The following SPOCK3 variants were observed in gnomAD, a reference collection of about 807,000 sequenced individuals.
The protein encoded by SPOCK3 is SPARC (osteonectin), cwcv and kazal like domains proteoglycan 3.
A neutral mutation model predicts 56.6 loss-of-function variants in SPOCK3; 30 were observed. That is an observed-to-expected ratio of 0.53 (90% CI 0.40 to 0.72). SPOCK3 has a LOEUF of 0.72. SPOCK3 is among the 30% of genes least tolerant of loss of function. SPOCK3 has a pLI of 0.00. For missense variants in SPOCK3, 527 were observed against 530.0 expected (o/e 0.99, Z 0.06); for synonymous variants, 196 against 183.3 (o/e 1.07, Z -0.56).
chr4:167,052,583 T>C (rs1447448194), intron 3 of SPOCK3, among the ~76,000 whole-genome samples: 1 of 152,178 alleles, frequency 6.6e-6, no homozygotes, highest in Admixed American at 6.5e-5. Flanking sequence ...GTAATCATCC[T>C]TGCATGTTCC....
intron 6 of SPOCK3, among the ~76,000 whole-genome samples, chr4:166,869,944 A>G (rs894877712): frequency 6.6e-6 from 1 of 152,080 alleles, no homozygotes; most frequent in Non-Finnish European, 1.5e-5. Flanking sequence ...CTTGAAACTG[A>G]GAAGCTCCTG....
chr4:167,152,416 C>A (rs1412592328), intron 2 of SPOCK3, among the ~76,000 whole-genome samples: 1 of 152,110 alleles, frequency 6.6e-6, no homozygotes, highest in East Asian at 1.9e-4. Flanking sequence ...ACATATATAA[C>A]AACGAACCAT....
intron 6 of SPOCK3, among the ~76,000 whole-genome samples, chr4:166,795,932 A>G (rs1424455473): frequency 3.3e-5 from 5 of 152,298 alleles, no homozygotes; most frequent in African/African-American, 1.2e-4. Context: ...TGGTATTAGA[A>G]GATAGGGACT....
At chr4:166,946,661 G>A (rs1334218046) in intron 4 of SPOCK3, among the ~76,000 whole-genome samples, 2 of 152,040 alleles carry the variant, frequency 1.3e-5, no homozygotes, top group Admixed American at 6.6e-5. Flanking sequence ...TTGGCATGTC[G>A]GATCCCTCTT....
chr4:167,216,135 C>T (rs1032569998), intron 2 of SPOCK3, among the ~76,000 whole-genome samples: 4 of 152,038 alleles, frequency 2.6e-5, no homozygotes, highest in Admixed American at 6.6e-5. Flanking sequence ...GTATATGTTA[C>T]AATATTTGAA....
rs557472542 is a variant in SPOCK3 at position 166,830,386 on chromosome 4, A to G, written c.590-38097T>C. On this transcript the variant is annotated intron_variant, in intron 6 of 10. Coordinates refer to ENST00000357545, the MANE Select transcript of SPOCK3 (RefSeq NM_001040159.2). ...TTAAACATATTTCATAACTTATTTT[A>G]ACAATTCTGAATCTCACTGTATCAT... 2.6e-5 allele frequency among the ~76,000 whole-genome samples: 4 copies of G among 152,272 alleles called. No homozygotes were observed. The South Asian group carries it at 8.3e-4, about 32-fold the overall frequency.
chr4:166,954,900 C>T (rs148112395), intron 4 of SPOCK3, among the ~76,000 whole-genome samples: 152 of 152,242 alleles, frequency 1.0e-3, no homozygotes, highest in African/African-American at 3.3e-3. Context: ...ATGTCAATTA[C>T]GTCATTCAAC....
chr4:167,031,051 T>C (rs1309768132), intron 3 of SPOCK3, among the ~76,000 whole-genome samples: 1 of 152,114 alleles, frequency 6.6e-6, no homozygotes, highest in Non-Finnish European at 1.5e-5. Context: ...TTACATTTAA[T>C]GAGTAAACAA....
At chr4:167,012,645 C>G (rs10049630) in intron 3 of SPOCK3, among the ~76,000 whole-genome samples, 8,081 of 151,908 alleles carry the variant, frequency 0.053, 696 homozygotes, top group African/African-American at 0.18. Context: ...GGAAAAATCA[C>G]AACACGAAAT....
At chr4:167,000,500 CT>C (rs779542712) in intron 3 of SPOCK3, 37 bp from the exon 4 acceptor site, 1 of 1,035,232 alleles carries the variant, frequency 9.7e-7, no homozygotes, top group South Asian at 1.4e-5. Flanking sequence ...AAATAAGCTT[CT>C]GTAAAATGGA....
chr4:167,154,925 T>C (rs1172665213), intron 2 of SPOCK3, among the ~76,000 whole-genome samples: 8 of 152,118 alleles, frequency 5.3e-5, no homozygotes, highest in African/African-American at 1.9e-4. Context: ...TCCTTGGTGC[T>C]TGGTAATTGT....
intron 6 of SPOCK3, among the ~76,000 whole-genome samples, chr4:166,859,193 A>G (rs1332215506): frequency 1.3e-5 from 2 of 152,212 alleles, no homozygotes. Flanking sequence ...TATGCCATCT[A>G]GGTTTATGTA....
At chr4:166,876,404 G>C (rs1008278781) in intron 6 of SPOCK3, among the ~76,000 whole-genome samples, 2 of 152,158 alleles carry the variant, frequency 1.3e-5, no homozygotes, top group Non-Finnish European at 2.9e-5. Flanking sequence ...CTCCGTGGAA[G>C]AGAGTTAAGA....
intron 6 of SPOCK3, 84 bp from the exon 7 acceptor site, chr4:166,792,373 A>G (rs776977857): frequency 6.7e-5 from 98 of 1,463,022 alleles, no homozygotes; most frequent in Non-Finnish European, 8.9e-5. Flanking sequence ...CAATAAACTG[A>G]AAGGTAAGAA....
chr4:166,854,738 C>T (rs548291804), intron 6 of SPOCK3, among the ~76,000 whole-genome samples: 4 of 152,096 alleles, frequency 2.6e-5, no homozygotes, highest in Non-Finnish European at 2.9e-5. Flanking sequence ...AGTTGGAATT[C>T]TAATAGCCAA....
chr4:167,084,868 A>G (rs7666534), intron 2 of SPOCK3, among the ~76,000 whole-genome samples: 30,432 of 152,032 alleles, frequency 0.2, 4,069 homozygotes, highest in African/African-American at 0.36. Context: ...GAGAGCAATC[A>G]TACATAGAAA....
chr4:166,827,278 A>G (rs1462542755), intron 6 of SPOCK3, among the ~76,000 whole-genome samples: 2 of 152,078 alleles, frequency 1.3e-5, no homozygotes, highest in African/African-American at 4.8e-5. Context: ...TTTAATTACT[A>G]TATATCTCCT....
intron 2 of SPOCK3, chr4:167,083,204 C>A (rs981820792): frequency 2.6e-6 from 2 of 765,084 alleles, no homozygotes; most frequent in Admixed American, 1.7e-5. Context: ...AGAATTGCCA[C>A]AAAATTTCTG....
rs565100156 is a variant in SPOCK3, at chr4:166,973,818, C to T, written c.350+26531G>A. Reference sequence around the variant, plus strand: ...ATAACCTCAATGGAAATGCAAGTTACTTTTAATTTTTTAAGGAAAATAAAA... The same window carrying T: ...ATAACCTCAATGGAAATGCAAGTTATTTTTAATTTTTTAAGGAAAATAAAA... On this transcript the variant is annotated intron_variant, in intron 4 of 10. Transcript: ENST00000357545. Among the ~76,000 whole-genome samples, 17 of 152,140 alleles carry T rather than the reference C, an allele frequency of 1.1e-4. No homozygotes were observed. The South Asian group carries it at 3.3e-3, about 30-fold the overall frequency.
Sources: allele counts gnomAD v4.1 joint callset (sites outside exome capture counted in the v4.1 genomes callset), GRCh38; gene constraint gnomAD v4.1.1; transcripts MANE v1.5; gene names NCBI Gene and HGNC (gene_info 2026-07-23, HGNC 2026-07-21).